Variants in LRRC28 observed in about 807,000 individuals in gnomAD.
LRRC28 encodes leucine-rich repeat-containing protein 28.
A neutral mutation model predicts 45.7 loss-of-function variants in LRRC28; 39 were observed. The observed-to-expected ratio is 0.85, with a 90% CI of 0.66 to 1.12. The LOEUF is 1.12. LRRC28 is among the 50% of genes most tolerant of loss of function. LRRC28 has a pLI of 0.00. For missense variants in LRRC28, 435 were observed against 438.5 expected (o/e 0.99, Z 0.07); for synonymous variants, 206 against 178.8 (o/e 1.15, Z -1.22).
At chr15:99,366,825 G>A (rs1275597428) in intron 9 of LRRC28, among the ~76,000 whole-genome samples, 1 of 151,998 alleles carries the variant, frequency 6.6e-6, no homozygotes, top group East Asian at 1.9e-4. Context: ...TAAAGCACAG[G>A]AATTTTGGGG....
At chr15:99,288,291 T>C (rs1320374435) in intron 5 of LRRC28, among the ~76,000 whole-genome samples, 2 of 151,882 alleles carry the variant, frequency 1.3e-5, no homozygotes, top group Non-Finnish European at 2.9e-5. Context: ...TTGCGTGATA[T>C]AATCATTTTA....
chr15:99,326,100 C>T (rs1330234764), intron 5 of LRRC28, among the ~76,000 whole-genome samples: 1 of 151,884 alleles, frequency 6.6e-6, no homozygotes, highest in Non-Finnish European at 1.5e-5. Flanking sequence ...CCCTCACCTA[C>T]CTTTGTTCTG....
intron 4 of LRRC28, 91 bp from the exon 5 acceptor site, chr15:99,287,723 A>T (rs762240137): frequency 1.5e-6 from 2 of 1,357,750 alleles, no homozygotes; most frequent in African/African-American, 2.9e-5. Flanking sequence ...GAAATTAAGT[A>T]GTAAAATATT....
chr15:99,379,373 G>T (rs550057795), intron 9 of LRRC28, among the ~76,000 whole-genome samples: 227 of 152,276 alleles, frequency 1.5e-3, no homozygotes, highest in South Asian at 8.5e-3. Context: ...ATTTCTGTGG[G>T]ATCGCTGGTG....
chr15:99,355,169 CTA>C (rs1259315531), intron 7 of LRRC28, among the ~76,000 whole-genome samples: 1 of 152,168 alleles, frequency 6.6e-6, no homozygotes, highest in Non-Finnish European at 1.5e-5. Context: ...TCTTCTTATT[CTA>C]TGTTTATTTG....
chr15:99,361,336 C>T lies in LRRC28; in HGVS notation c.696C>T (p.Gly232=), dbSNP rs2152325953. 1 of 1,610,068 alleles carries T rather than the reference C, an allele frequency of 6.2e-7. No homozygotes were observed. ...YLYNKVIGCS[G]CGAPIQVSEV... is the part of the protein sequence containing the mutation. ...ACTGTGAATGTGTGTCTTTCTGCAGCTGTGGTGCTCCCATTCAAGTTTCCG... is the reference window on the plus strand; with the variant it reads ...ACTGTGAATGTGTGTCTTTCTGCAGTTGTGGTGCTCCCATTCAAGTTTCCG... The change falls in exon 8 of 10, where the codon GGC becomes GGT. Residue 232 remains glycine (G), a splice_region_variant and synonymous_variant. Transcript: ENST00000301981.
At chr15:99,366,664 T>G (rs1218412427) in intron 9 of LRRC28, among the ~76,000 whole-genome samples, 1 of 152,108 alleles carries the variant, frequency 6.6e-6, no homozygotes. Context: ...TCATGAGGAT[T>G]CCACCTCATG....
At chr15:99,256,231 TGTTATATATACA>T in intron 2 of LRRC28, 106 bp downstream of exon 2, 1 of 806,344 alleles carries the variant, frequency 1.2e-6, no homozygotes, top group Non-Finnish European at 1.9e-6. Context: ...TATCCCCTGT[TGTTATATATACA>T]GTTAATATAA....
At chr15:99,274,471 A>G (rs549503852) in intron 2 of LRRC28, among the ~76,000 whole-genome samples, 128 of 152,364 alleles carry the variant, frequency 8.4e-4, no homozygotes, top group African/African-American at 3.0e-3. Context: ...TGGCCCAGAC[A>G]TACCAAACTA....
At chr15:99,338,715 T>C (rs760145088) in intron 6 of LRRC28, among the ~76,000 whole-genome samples, 2 of 152,176 alleles carry the variant, frequency 1.3e-5, no homozygotes, top group Non-Finnish European at 2.9e-5. Context: ...TAGAGAAATG[T>C]AAGATTATAG....
chr15:99,297,687 A>G (rs982863817), intron 5 of LRRC28, among the ~76,000 whole-genome samples: 100 of 150,192 alleles, frequency 6.7e-4, no homozygotes, highest in African/African-American at 2.2e-3. Context: ...TAACTTTATA[A>G]TAACAGATTT....
At chr15:99,365,207 C>G (rs996438826) in intron 9 of LRRC28, among the ~76,000 whole-genome samples, 1 of 152,180 alleles carries the variant, frequency 6.6e-6, no homozygotes, top group African/African-American at 2.4e-5. Context: ...TTTCCATTTA[C>G]TGTTTAATTT....
At chr15:99,340,502 G>C (rs1956472170) in intron 6 of LRRC28, among the ~76,000 whole-genome samples, 1 of 152,188 alleles carries the variant, frequency 6.6e-6, no homozygotes, top group South Asian at 2.1e-4. Context: ...ATTGAAACGA[G>C]TTGGAAACCA....
intron 7 of LRRC28, 192 bp downstream of exon 7, chr15:99,352,663 T>C (rs1035300177): frequency 3.7e-6 from 2 of 541,620 alleles, no homozygotes; most frequent in Middle Eastern, 4.6e-4. Flanking sequence ...TAAAGAAAAA[T>C]GAATCCATGT....
At chr15:99,333,843 A>C in intron 5 of LRRC28, 80 bp from the exon 6 acceptor site, 1 of 1,403,594 alleles carries the variant, frequency 7.1e-7, no homozygotes, top group Non-Finnish European at 1.0e-6. Context: ...TCATTTGGTT[A>C]AACTGTTATA....
At position 99,353,320 on chromosome 15, in the gene LRRC28, T is replaced by C. The variant is rs568673456; in HGVS notation, c.695+849T>C. Reference sequence around the variant, plus strand: ...ACTTGGCCCATGCTATGAGTAGTTCTGGCAAGAAAAGGGATGACAATAAGT... The same window carrying C: ...ACTTGGCCCATGCTATGAGTAGTTCCGGCAAGAAAAGGGATGACAATAAGT... On this transcript the variant is annotated intron_variant, in intron 7 of 9. Transcript: ENST00000301981. 5.1e-4 allele frequency among the ~76,000 whole-genome samples: 77 copies of C among 152,310 alleles called. 1 individual carries two copies. The highest frequency in any genetic ancestry group is 2.5e-3 in the Admixed American group (38 of 15,304).
rs973585927 is a variant in LRRC28, at chr15:99,283,758, A to G, written c.210-3499A>G. Among the ~76,000 whole-genome samples the G allele has an allele frequency of 3.5e-4, 53 of 152,104 alleles. 1 individual carries two copies. ...CATTTTCCAAAATGAGTATACCCCA[A>G]AGTGACATTCCCCACCAACAATGAA... On this transcript the variant is annotated intron_variant, in intron 3 of 9. Coordinates refer to ENST00000301981, the MANE Select transcript of LRRC28 (RefSeq NM_144598.5).
At chr15:99,324,842 G>A (rs558883792) in intron 5 of LRRC28, among the ~76,000 whole-genome samples, 2 of 152,300 alleles carry the variant, frequency 1.3e-5, no homozygotes, top group Admixed American at 1.3e-4. Flanking sequence ...GGAGTGGTGT[G>A]AAAAGAGTAG....
At chr15:99,276,069 G>A (rs1344342478) in intron 2 of LRRC28, among the ~76,000 whole-genome samples, 1 of 151,876 alleles carries the variant, frequency 6.6e-6, no homozygotes, top group Non-Finnish European at 1.5e-5. Context: ...GAGTGATCTA[G>A]TTTGTGCACT....
Sources: gnomAD v4.1 joint callset for allele counts (sites outside exome capture counted in the v4.1 genomes callset) on GRCh38, gnomAD v4.1.1 for gene constraint, MANE v1.5 for transcripts, NCBI Gene and HGNC (gene_info 2026-07-23, HGNC 2026-07-21) for gene names.